Variants in NAV2 observed in about 807,000 individuals in gnomAD.
NAV2 encodes the protein neuron navigator 2.
A neutral mutation model predicts 223.2 loss-of-function variants in NAV2; 54 were observed. That is an observed-to-expected ratio of 0.24 (90% CI 0.19 to 0.30). NAV2 has a LOEUF of 0.30. Ranked by LOEUF, NAV2 falls within the 10% of genes least tolerant of loss-of-function variation. NAV2 has a pLI of 1.00. For synonymous variants in NAV2, 1,279 were observed against 1,239.3 expected, an observed-to-expected ratio of 1.03 and a Z score of -0.67; for missense variants, 2,806 against 3,147.5, an observed-to-expected ratio of 0.89 and a Z score of 2.60.
intron 1 of NAV2, among the ~76,000 whole-genome samples, chr11:19,480,499 C>T (rs546611070): frequency 6.6e-5 from 10 of 152,200 alleles, no homozygotes; most frequent in Admixed American, 6.5e-5. Context: ...TGAGCGGTGG[C>T]GGTGGTGGGA....
intron 3 of NAV2, among the ~76,000 whole-genome samples, chr11:19,849,534 C>T (rs527282017): frequency 6.6e-6 from 1 of 152,322 alleles, no homozygotes; most frequent in South Asian, 2.1e-4. Flanking sequence ...TCCAGAGCCT[C>T]CTGGGCCAGG....
intron 12 of NAV2, among the ~76,000 whole-genome samples, chr11:20,038,742 G>A (rs1486844317): frequency 6.6e-6 from 1 of 152,218 alleles, no homozygotes. Context: ...AAGGCGTGGG[G>A]AGGCAGGGAG....
At chr11:19,614,794 C>CTA (rs1554974740) in intron 1 of NAV2, among the ~76,000 whole-genome samples, 1 of 152,142 alleles carries the variant, frequency 6.6e-6, no homozygotes, top group Non-Finnish European at 1.5e-5. Context: ...CCCTAGAACT[C>CTA]TATAGAGTGA....
chr11:19,462,508 G>C (rs1364555849), intron 1 of NAV2, among the ~76,000 whole-genome samples: 1 of 152,186 alleles, frequency 6.6e-6, no homozygotes, highest in Non-Finnish European at 1.5e-5. Flanking sequence ...TGGTTTTAGA[G>C]ATAAGCTATC....
At chr11:19,660,642 G>A (rs1396473481) in intron 1 of NAV2, among the ~76,000 whole-genome samples, 1 of 152,198 alleles carries the variant, frequency 6.6e-6, no homozygotes, top group Non-Finnish European at 1.5e-5. Context: ...CTGATCCCAT[G>A]TCCTGCCAGT....
At chr11:19,915,259 C>A (rs1250521336) in intron 6 of NAV2, among the ~76,000 whole-genome samples, 1 of 152,186 alleles carries the variant, frequency 6.6e-6, no homozygotes, top group African/African-American at 2.4e-5. Context: ...GGGGAGAAAT[C>A]CCCTGTCAGA....
chr11:19,932,701 T>C (rs2045491173), intron 6 of NAV2, among the ~76,000 whole-genome samples: 1 of 152,260 alleles, frequency 6.6e-6, no homozygotes, highest in Admixed American at 6.5e-5. Flanking sequence ...GTAATTATTC[T>C]TTTTTAAAGA....
chr11:19,508,843 C>T (rs1267273581), intron 1 of NAV2, among the ~76,000 whole-genome samples: 1 of 152,212 alleles, frequency 6.6e-6, no homozygotes, highest in African/African-American at 2.4e-5. Context: ...GAAATCTCAA[C>T]ATCTGCCCTG....
intron 1 of NAV2, chr11:19,511,236 G>C (rs1370025613): frequency 6.6e-6 from 1 of 152,228 alleles, no homozygotes; most frequent in African/African-American, 2.4e-5. Flanking sequence ...GCAGGCAAAG[G>C]TTTGGACCTG....
chr11:19,697,752 A>G (rs1011785813), intron 1 of NAV2, among the ~76,000 whole-genome samples: 3 of 152,162 alleles, frequency 2.0e-5, no homozygotes, highest in African/African-American at 2.4e-5. Flanking sequence ...TCTACACAAC[A>G]AAAAGTAGGT....
intron 1 of NAV2, among the ~76,000 whole-genome samples, chr11:19,526,967 G>T (rs1240175510): frequency 6.6e-6 from 1 of 152,136 alleles, no homozygotes; most frequent in East Asian, 1.9e-4. Flanking sequence ...GGGGTTCATG[G>T]CTCCTTGGCT....
At chr11:19,524,991 T>A (rs1017891676) in intron 1 of NAV2, among the ~76,000 whole-genome samples, 1 of 152,198 alleles carries the variant, frequency 6.6e-6, no homozygotes, top group Admixed American at 6.5e-5. Context: ...TTCCTGTTAA[T>A]CCCGGGTTTG....
At chr11:20,081,590 C>T (rs1490025612) in intron 25 of NAV2, among the ~76,000 whole-genome samples, 4 of 152,150 alleles carry the variant, frequency 2.6e-5, no homozygotes, top group African/African-American at 9.7e-5. Context: ...TGGCTTGTGT[C>T]CCTAATCCTT....
chr11:20,108,838 G>T (rs905919974), intron 36 of NAV2, among the ~76,000 whole-genome samples: 2 of 152,198 alleles, frequency 1.3e-5, no homozygotes, highest in Admixed American at 1.3e-4. Flanking sequence ...TAGTTTTATT[G>T]TTGAGCCTGG....
At chr11:19,499,561 T>A (rs2702655) in intron 1 of NAV2, among the ~76,000 whole-genome samples, 46,913 of 152,056 alleles carry the variant, frequency 0.31, 7,331 homozygotes, top group Middle Eastern at 0.35. Flanking sequence ...GAATCTGGGG[T>A]TTGGAATGAG....
intron 1 of NAV2, among the ~76,000 whole-genome samples, chr11:19,489,372 C>T (rs909219480): frequency 6.6e-6 from 1 of 152,210 alleles, no homozygotes; most frequent in Admixed American, 6.5e-5. Flanking sequence ...TCTAATGATA[C>T]ATTTCTTAGA....
intron 1 of NAV2, among the ~76,000 whole-genome samples, chr11:19,416,527 A>G (rs1375974154): frequency 1.3e-5 from 2 of 152,240 alleles, no homozygotes; most frequent in Non-Finnish European, 2.9e-5. Flanking sequence ...TGCCCAAAGT[A>G]ATTTATAGAC....
At chr11:19,586,598 GTCAGGACCC>G (rs1565075894) in intron 1 of NAV2, among the ~76,000 whole-genome samples, 1 of 152,200 alleles carries the variant, frequency 6.6e-6, no homozygotes, top group Non-Finnish European at 1.5e-5. Flanking sequence ...CCTTCTAACA[GTCAGGACCC>G]TCAGCTGCAG....
intron 5 of NAV2, among the ~76,000 whole-genome samples, chr11:19,890,223 C>T (rs1462809655): frequency 6.6e-6 from 1 of 152,166 alleles, no homozygotes; most frequent in Non-Finnish European, 1.5e-5. Flanking sequence ...TATGAGACTG[C>T]TCCAATGTCT....
Sources: allele counts gnomAD v4.1 joint callset (sites outside exome capture counted in the v4.1 genomes callset), GRCh38; gene constraint gnomAD v4.1.1; transcripts MANE v1.5; gene names NCBI Gene and HGNC (gene_info 2026-07-23, HGNC 2026-07-21).